Variants in ZC3H3 observed in about 807,000 individuals in gnomAD.
ZC3H3 encodes zinc finger CCCH-type containing 3, also known as zinc finger CCCH domain-containing protein 3.
A neutral mutation model predicts 77.3 loss-of-function variants in ZC3H3; 36 were observed. That is an observed-to-expected ratio of 0.47 (90% CI 0.36 to 0.61). The LOEUF (loss-of-function observed/expected upper bound fraction) is 0.61, where lower values mean the gene tolerates loss of function less well. ZC3H3 is among the 20% of genes least tolerant of loss of function. The pLI is 0.00. For missense variants in ZC3H3, 1,331 were observed against 1,312.2 expected, an observed-to-expected ratio of 1.01 and a Z score of -0.22; for synonymous variants, 626 against 555.2, an observed-to-expected ratio of 1.13 and a Z score of -1.79.
chr8:143,439,271 C>T (rs1434027575), intron 11 of ZC3H3, among the ~76,000 whole-genome samples: 1 of 152,148 alleles, frequency 6.6e-6, no homozygotes, highest in African/African-American at 2.4e-5. Flanking sequence ...GAGGCGGCCC[C>T]TCCGAGGCAG....
chr8:143,522,975 G>A (rs1822299083), intron 3 of ZC3H3, among the ~76,000 whole-genome samples: 1 of 152,122 alleles, frequency 6.6e-6, no homozygotes, highest in Non-Finnish European at 1.5e-5. Flanking sequence ...TGTCCTGGGT[G>A]ACTTGGAGCC....
intron 3 of ZC3H3, among the ~76,000 whole-genome samples, chr8:143,529,777 C>T (rs990187441): frequency 6.6e-6 from 1 of 152,316 alleles, no homozygotes; most frequent in Non-Finnish European, 1.5e-5. Context: ...CCACGACCAC[C>T]TGGTGGCAGG....
chr8:143,470,860 C>G (rs1820543573), intron 5 of ZC3H3, among the ~76,000 whole-genome samples: 1 of 152,206 alleles, frequency 6.6e-6, no homozygotes, highest in Admixed American at 6.5e-5. Flanking sequence ...CTAAAAAGTT[C>G]AACTGAATAA....
chr8:143,491,192 G>A (rs1821192370), intron 4 of ZC3H3, among the ~76,000 whole-genome samples: 1 of 152,174 alleles, frequency 6.6e-6, no homozygotes, highest in Admixed American at 6.5e-5. Flanking sequence ...CCGGCCTGAG[G>A]GGAATTCCAC....
Position 143,538,379 on chromosome 8 carries a change from G to C in ZC3H3, c.988C>G (p.Pro330Ala). The C allele has an allele frequency of 1.2e-6, 2 of 1,613,150 alleles. No individual in the cohort carries two copies. The highest frequency in any genetic ancestry group is 1.7e-6 in the Non-Finnish European group (2 of 1,180,034). The part of the protein sequence containing the change: ...SPRVARRALS[P>A]RVAAENVCKA... ...CACACATTCTCTGCAGCCACTCTGG[G>C]ACTGAGGGCCCTCCGAGCAACCCGG... Residue 330 changes from proline to alanine, a missense_variant, in exon 2 of 12, where the codon CCC (proline) becomes GCC (alanine). Pro to Ala is a conservative substitution (Grantham distance 27, BLOSUM62 -1). This residue lies in a region of ZC3H3 where 978 missense variants were observed against 915.5 expected (regional missense o/e 1.07). Coordinates refer to ENST00000262577, the MANE Select transcript of ZC3H3 (RefSeq NM_015117.3).
At chr8:143,473,185 C>T (rs1001520007) in intron 5 of ZC3H3, among the ~76,000 whole-genome samples, 1 of 152,124 alleles carries the variant, frequency 6.6e-6, no homozygotes, top group African/African-American at 2.4e-5. Flanking sequence ...GCCAGGTAGA[C>T]CCCGCCTGCC....
chr8:143,541,352 CG>C, intron 1 of ZC3H3, 23 bp downstream of exon 1: 1 of 1,605,920 alleles, frequency 6.2e-7, no homozygotes, highest in African/African-American at 1.4e-5. Context: ...AGGGGACTCG[CG>C]TCCCGGCCCC....
chr8:143,440,210 A>AGGGGATGAGGAGGAG lies in ZC3H3; in HGVS notation c.2631_2645dup (p.Ser878_Pro882dup), dbSNP rs1819699427. 6.2e-7 allele frequency: 1 copy of AGGGGATGAGGAGGAG among 1,609,234 alleles called. No individual in the cohort carries two copies. Among genetic ancestry groups the AGGGGATGAGGAGGAG allele is most frequent in the Non-Finnish European group, 8.5e-7 (1 of 1,178,640 alleles). On this transcript the variant is annotated inframe_insertion, in exon 11 of 12. Transcript: ENST00000262577. ...GTGCCTCGTGGTCCAAGGAAGCGGG[A>AGGGGATGAGGAGGAG]GGGGATGAGGAGGAGGAGGAGGAGG...
intron 4 of ZC3H3, among the ~76,000 whole-genome samples, chr8:143,478,579 G>T (rs192558065): frequency 6.6e-6 from 1 of 152,202 alleles, no homozygotes; most frequent in African/African-American, 2.4e-5. Context: ...GTGCGATCTC[G>T]GCTCACTGCA....
At chr8:143,489,382 A>G (rs1821135557) in intron 4 of ZC3H3, among the ~76,000 whole-genome samples, 1 of 152,170 alleles carries the variant, frequency 6.6e-6, no homozygotes, top group Admixed American at 6.5e-5. Flanking sequence ...CAAGCAGCCA[A>G]TGGAAAGGAG....
At chr8:143,467,707 G>T (rs1024711157) in intron 8 of ZC3H3, among the ~76,000 whole-genome samples, 1 of 152,192 alleles carries the variant, frequency 6.6e-6, no homozygotes, top group Non-Finnish European at 1.5e-5. Flanking sequence ...CAAGTCTGTT[G>T]GGTTTCAGGC....
chr8:143,510,141 T>C (rs1230724494), intron 3 of ZC3H3, among the ~76,000 whole-genome samples: 5 of 152,204 alleles, frequency 3.3e-5, no homozygotes, highest in African/African-American at 1.2e-4. Flanking sequence ...AGTGCCCAAG[T>C]GTCACTCCTG....
chr8:143,448,303 T>C (rs1471662412), intron 9 of ZC3H3, among the ~76,000 whole-genome samples: 2 of 150,018 alleles, frequency 1.3e-5, no homozygotes, highest in Admixed American at 6.6e-5. Context: ...TGAAACTCTG[T>C]CTAAAAAAAA....
chr8:143,512,567 C>T (rs1821904012), intron 3 of ZC3H3, among the ~76,000 whole-genome samples: 1 of 152,178 alleles, frequency 6.6e-6, no homozygotes, highest in Admixed American at 6.5e-5. Flanking sequence ...CCAGTACGGC[C>T]GTGAATGCCC....
At chr8:143,524,636 C>T (rs923530046) in intron 3 of ZC3H3, among the ~76,000 whole-genome samples, 2 of 152,248 alleles carry the variant, frequency 1.3e-5, no homozygotes, top group African/African-American at 2.4e-5. Context: ...GGAGACTGGC[C>T]CCTGTGAGCT....
chr8:143,541,319 C>T (rs1287310697), intron 1 of ZC3H3, 57 bp downstream of exon 1: 3 of 1,600,554 alleles, frequency 1.9e-6, no homozygotes, highest in African/African-American at 1.4e-5. Flanking sequence ...GCAGGGGACC[C>T]GCCGCGAGGT....
chr8:143,517,644 C>A (rs757798401), intron 3 of ZC3H3, among the ~76,000 whole-genome samples: 1 of 152,184 alleles, frequency 6.6e-6, no homozygotes, highest in Non-Finnish European at 1.5e-5. Context: ...GGCCTGCAGC[C>A]CCAGCCAGCC....
chr8:143,481,075 T>C (rs1267720476), intron 4 of ZC3H3, among the ~76,000 whole-genome samples: 1 of 152,158 alleles, frequency 6.6e-6, no homozygotes, highest in East Asian at 1.9e-4. Flanking sequence ...CAGGACACCC[T>C]CCCTGAGGCT....
chr8:143,530,054 C>T lies in ZC3H3; in HGVS notation c.1561+6203G>A, dbSNP rs903038337. Among the ~76,000 whole-genome samples, 7 of 152,296 alleles carry T rather than the reference C, an allele frequency of 4.6e-5. No individual in the cohort carries two copies. The highest frequency in any genetic ancestry group is 7.2e-5 in the African/African-American group (3 of 41,560). On this transcript the variant is annotated intron_variant, in intron 3 of 11. Coordinates refer to ENST00000262577, the MANE Select transcript of ZC3H3 (RefSeq NM_015117.3). The surrounding 1 kb of genome is among the most constrained non-coding windows in gnomAD (Gnocchi z 4.3). Reference sequence around the variant, plus strand: ...GGGGCGGGCACGGCAGACTGAGGGACGGGTAGGAATCGCCCTCCGTGTGTA... The same window carrying T: ...GGGGCGGGCACGGCAGACTGAGGGATGGGTAGGAATCGCCCTCCGTGTGTA...
Sources: allele counts gnomAD v4.1 joint callset (sites outside exome capture counted in the v4.1 genomes callset), GRCh38; gene constraint gnomAD v4.1.1; regional missense constraint gnomAD v4.1.1; non-coding constraint Gnocchi (gnomAD v3.1); transcripts MANE v1.5; gene names NCBI Gene and HGNC (gene_info 2026-07-23, HGNC 2026-07-21).